The following TMEM217 variants were observed in gnomAD, a reference collection of about 807,000 sequenced individuals.
The protein encoded by TMEM217 is transmembrane protein 217.
For missense variants in TMEM217, 204 were observed against 248.8 expected (o/e 0.82, Z 1.21); for synonymous variants, 76 against 88.3 (o/e 0.86, Z 0.78).
At chr6:37,231,590 G>A (rs1347538489) in intron 1 of TMEM217, among the ~76,000 whole-genome samples, 3 of 148,524 alleles carry the variant, frequency 2.0e-5, no homozygotes, top group Non-Finnish European at 4.5e-5. Flanking sequence ...GGAGAATGGC[G>A]TGAACCCGGG....
intron 1 of TMEM217, among the ~76,000 whole-genome samples, chr6:37,228,647 T>C (rs1424167637): frequency 3.9e-5 from 6 of 151,932 alleles, no homozygotes; most frequent in Non-Finnish European, 5.9e-5. Flanking sequence ...GAGGTTGCAG[T>C]GAGCCGAGAT....
chr6:37,248,812 T>C (rs1765234070), intron 1 of TMEM217, among the ~76,000 whole-genome samples: 1 of 152,200 alleles, frequency 6.6e-6, no homozygotes, highest in African/African-American at 2.4e-5. Flanking sequence ...TCCTAGGACT[T>C]CTCTGCAACA....
intron 1 of TMEM217, among the ~76,000 whole-genome samples, chr6:37,256,103 G>A (rs922828563): frequency 2.0e-5 from 3 of 152,200 alleles, no homozygotes; most frequent in African/African-American, 7.2e-5. Context: ...TCAATAGGGA[G>A]CAGCTTCTGG....
chr6:37,251,210 A>T (rs1408239751), intron 1 of TMEM217, among the ~76,000 whole-genome samples: 1 of 152,212 alleles, frequency 6.6e-6, no homozygotes, highest in Non-Finnish European at 1.5e-5. Flanking sequence ...TTCATGTCAG[A>T]CAGGTAATGT....
intron 1 of TMEM217, among the ~76,000 whole-genome samples, chr6:37,235,575 C>G (rs1390092959): frequency 1.3e-5 from 2 of 150,410 alleles, no homozygotes; most frequent in African/African-American, 2.4e-5. Flanking sequence ...ACCATGTTAG[C>G]CAGGATGGTC....
intron 1 of TMEM217, among the ~76,000 whole-genome samples, chr6:37,227,781 TATTA>T (rs1478298357): frequency 6.6e-6 from 1 of 151,760 alleles, no homozygotes; most frequent in Non-Finnish European, 1.5e-5. Flanking sequence ...TCTTTATCAT[TATTA>T]CATCATCTCA....
intron 1 of TMEM217, among the ~76,000 whole-genome samples, chr6:37,255,176 G>A (rs980934074): frequency 1.3e-5 from 2 of 152,236 alleles, no homozygotes; most frequent in South Asian, 2.1e-4. Flanking sequence ...TAGTGATAGC[G>A]CTTTAAAGAA....
At chr6:37,242,183 G>A (rs1764801746) in intron 1 of TMEM217, among the ~76,000 whole-genome samples, 2 of 152,082 alleles carry the variant, frequency 1.3e-5, no homozygotes, top group South Asian at 4.1e-4. Context: ...TCATAGCCCT[G>A]GAGACTATGG....
At chr6:37,241,992 G>A (rs964423781) in intron 1 of TMEM217, among the ~76,000 whole-genome samples, 4 of 149,698 alleles carry the variant, frequency 2.7e-5, no homozygotes, top group Non-Finnish European at 4.4e-5. Context: ...GGGAGTTAGG[G>A]AAAAATTCGA....
At chr6:37,213,949 C>T (rs1044618602), downstream of TMEM217, among the ~76,000 whole-genome samples, 2 of 152,144 alleles carry the variant, frequency 1.3e-5, no homozygotes, top group African/African-American at 2.4e-5. Flanking sequence ...CTCAGGCTGA[C>T]GAATGTCCAA....
chr6:37,246,894 C>A (rs1765114780), intron 1 of TMEM217, among the ~76,000 whole-genome samples: 1 of 101,828 alleles, frequency 9.8e-6, no homozygotes, highest in South Asian at 4.3e-4. Flanking sequence ...CAGAGCAAGA[C>A]TCTGTCTCAA....
At chr6:37,229,599 C>T (rs1424194455) in intron 1 of TMEM217, among the ~76,000 whole-genome samples, 2 of 152,118 alleles carry the variant, frequency 1.3e-5, no homozygotes, top group Non-Finnish European at 2.9e-5. Context: ...GCCTCCGCCT[C>T]CCAAAGTGCT....
intron 1 of TMEM217, among the ~76,000 whole-genome samples, chr6:37,247,071 T>C (rs1379726246): frequency 6.6e-6 from 1 of 152,192 alleles, no homozygotes; most frequent in Non-Finnish European, 1.5e-5. Context: ...GGTCATGTCA[T>C]GTCCCAGCTT....
intron 1 of TMEM217, among the ~76,000 whole-genome samples, chr6:37,224,758 C>T (rs542412011): frequency 4.7e-4 from 72 of 152,000 alleles, no homozygotes; most frequent in Non-Finnish European, 9.1e-4. Flanking sequence ...AAATATTTTT[C>T]TAAAATATTT....
intron 1 of TMEM217, among the ~76,000 whole-genome samples, chr6:37,246,652 C>T (rs72851329): frequency 0.018 from 2,672 of 152,176 alleles, 41 homozygotes; most frequent in Non-Finnish European, 0.025. Context: ...TCTGTAACCC[C>T]GGCACTTTGG....
chr6:37,240,183 T>C (rs1368046526), intron 1 of TMEM217, among the ~76,000 whole-genome samples: 1 of 152,236 alleles, frequency 6.6e-6, no homozygotes, highest in African/African-American at 2.4e-5. Flanking sequence ...TAGACACTTA[T>C]GATATAAAAC....
chr6:37,232,230 A>G (rs994315198), intron 1 of TMEM217, among the ~76,000 whole-genome samples: 1 of 152,234 alleles, frequency 6.6e-6, no homozygotes, highest in African/African-American at 2.4e-5. Flanking sequence ...AGAATTAGAG[A>G]TCACAAACAG....
rs1765497513 is a variant in TMEM217, at chr6:37,252,635, ATATTTTTTT to A, written c.-12+4924_-12+4932del. 2.4e-3 allele frequency among the ~76,000 whole-genome samples: 144 copies of A among 60,380 alleles called. 1 individual carries two copies. Among genetic ancestry groups the A allele is most frequent in the Middle Eastern group, 0.011 (1 of 92 alleles). The allele number at this position is 60,380 out of a possible 152,430, so 39.6% of individuals were successfully genotyped here. A position where few individuals can be genotyped will look rare whatever the true frequency, so the allele number is the denominator to read the frequency against. ...TGTGTGTGTATATATATATATATAT[ATATTTTTTT>A]TTTTTTTTTTTTTTTGACAGGGTCT... On this transcript the variant is annotated intron_variant, in intron 1 of 1. Coordinates refer to ENST00000357219, the Ensembl canonical transcript of TMEM217.
intron 1 of TMEM217, among the ~76,000 whole-genome samples, chr6:37,227,246 T>C (rs945560976): frequency 2.0e-5 from 3 of 152,234 alleles, no homozygotes; most frequent in African/African-American, 7.2e-5. Flanking sequence ...AGTAGGCCTT[T>C]GGTCAGTGTT....
Sources: allele counts gnomAD v4.1 joint callset (sites outside exome capture counted in the v4.1 genomes callset), GRCh38; gene constraint gnomAD v4.1.1; transcripts MANE v1.5; gene names NCBI Gene and HGNC (gene_info 2026-07-23, HGNC 2026-07-21).